Variants in LARS2 observed in about 807,000 individuals in gnomAD.
LARS2 encodes the protein leucine--tRNA ligase, mitochondrial.
LARS2 carries 81 observed loss-of-function variants against 116.6 expected under a neutral mutation model. That is an observed-to-expected ratio of 0.69 (90% CI 0.58 to 0.84). LARS2 has a LOEUF of 0.84. LARS2 is among the 40% of genes least tolerant of loss of function. The pLI, the probability that LARS2 is intolerant of heterozygous loss-of-function variation, is 0.00. For missense variants in LARS2, 968 were observed against 1,114.5 expected (o/e 0.87, Z 1.87); for synonymous variants, 396 against 407.2 (o/e 0.97, Z 0.33).
At chr3:45,460,745 T>C (rs1300451780) in intron 8 of LARS2, among the ~76,000 whole-genome samples, 2 of 152,136 alleles carry the variant, frequency 1.3e-5, no homozygotes. Context: ...GGCTGTGCAG[T>C]ACTGGAAAAC....
At chr3:45,453,771 G>A (rs1474365193) in intron 7 of LARS2, among the ~76,000 whole-genome samples, 1 of 151,852 alleles carries the variant, frequency 6.6e-6, no homozygotes, top group Non-Finnish European at 1.5e-5. Flanking sequence ...AATAGACCTT[G>A]AAAAAAATCA....
intron 6 of LARS2, among the ~76,000 whole-genome samples, chr3:45,438,385 C>A (rs1458224621): frequency 6.6e-6 from 1 of 152,082 alleles, no homozygotes; most frequent in Non-Finnish European, 1.5e-5. Context: ...TTTGCTTCTG[C>A]CACCCAGGAG....
At position 45,503,301 on chromosome 3, in the gene LARS2, C is replaced by CA. The variant is rs554188964; in HGVS notation, c.1760+2724dup. Among the ~76,000 whole-genome samples the CA allele has an allele frequency of 2.6e-4, 40 of 152,148 alleles. 1 individual carries two copies. The South Asian group carries it at 5.6e-3, about 21-fold the overall frequency. On this transcript the variant is annotated intron_variant, in intron 15 of 21. Coordinates refer to ENST00000645846, the MANE Select transcript of LARS2 (RefSeq NM_015340.4). ...TATACATCACCATGGTCAAGATAGG[C>CA]AAGTTTCCTTGTTTGTCTCTTCTAA...
intron 6 of LARS2, among the ~76,000 whole-genome samples, chr3:45,429,876 A>G (rs1372038525): frequency 6.8e-6 from 1 of 146,884 alleles, no homozygotes; most frequent in Non-Finnish European, 1.5e-5. Flanking sequence ...TGATTTTTGT[A>G]TTTTTTTTGG....
At chr3:45,410,910 G>C (rs1388113652) in intron 4 of LARS2, among the ~76,000 whole-genome samples, 1 of 152,206 alleles carries the variant, frequency 6.6e-6, no homozygotes, top group Non-Finnish European at 1.5e-5. Context: ...CCTAGAAGGG[G>C]AAGATGCTGT....
chr3:45,530,260 C>T (rs1315703765), intron 20 of LARS2, among the ~76,000 whole-genome samples: 1 of 152,150 alleles, frequency 6.6e-6, no homozygotes, highest in Non-Finnish European at 1.5e-5. Context: ...CTGTGGCTCA[C>T]GCCTGTAATC....
intron 15 of LARS2, among the ~76,000 whole-genome samples, chr3:45,511,308 C>T (rs1663740300): frequency 6.6e-6 from 1 of 152,158 alleles, no homozygotes; most frequent in South Asian, 2.1e-4. Flanking sequence ...GGGAAAGCCT[C>T]CCATGTGGAC....
At chr3:45,399,549 C>T (rs574302361) in intron 3 of LARS2, among the ~76,000 whole-genome samples, 5 of 151,934 alleles carry the variant, frequency 3.3e-5, no homozygotes, top group South Asian at 2.1e-4. Context: ...ATCTTGCTTT[C>T]GCTTTCTTCT....
In LARS2 at chr3:45,517,991, T is replaced by C. The variant is rs761350063; in HGVS notation, c.2133T>C (p.Ser711=). The C allele has an allele frequency of 6.2e-7, 1 of 1,613,720 alleles. No homozygotes were observed. The highest frequency in any genetic ancestry group is 1.1e-5 in the South Asian group (1 of 91,070). ...TTGAGGCCAGGGCTTCTGGGAAGTCTCCCCAGCCTCAGCTGCTGAGTAACA... is the reference window on the plus strand; with the variant it reads ...TTGAGGCCAGGGCTTCTGGGAAGTCCCCCCAGCCTCAGCTGCTGAGTAACA... ...RFIEARASGK[S]PQPQLLSNKE... The change falls in exon 18 of 22, where the codon TCT becomes TCC. Residue 711 remains serine (S), a synonymous_variant. Coordinates refer to ENST00000645846, the MANE Select transcript of LARS2 (RefSeq NM_015340.4).
chr3:45,524,584 T>C (rs947376807), intron 20 of LARS2, among the ~76,000 whole-genome samples: 6 of 152,122 alleles, frequency 3.9e-5, no homozygotes, highest in East Asian at 1.9e-4. Context: ...CTCCACATCA[T>C]TGGGACTGTT....
intron 4 of LARS2, among the ~76,000 whole-genome samples, chr3:45,415,042 G>A (rs1343343623): frequency 1.3e-5 from 2 of 152,194 alleles, no homozygotes; most frequent in Non-Finnish European, 2.9e-5. Flanking sequence ...CATTTTTCCT[G>A]CTCATGGCAT....
rs1029236000 is a variant in LARS2 at position 45,548,143 on chromosome 3, C to T, written c.*613C>T. ...ATCAAAAGGCAGGCAGTGCTGGTTC[C>T]TCTGCCTGTGTCCCCACCACTCCCC... is the stretch of plus-strand genomic sequence containing the variant. On this transcript the variant is annotated 3_prime_UTR_variant, in exon 22 of 22. Coordinates refer to ENST00000645846, the MANE Select transcript of LARS2 (RefSeq NM_015340.4). The T allele has an allele frequency of 2.6e-5, 4 of 152,286 alleles. No homozygotes were observed. Among genetic ancestry groups the T allele is most frequent in the African/African-American group, 9.7e-5 (4 of 41,442 alleles). 9.4% of individuals were successfully genotyped at this position (152,286 alleles called of 1,614,324 possible). A position where few individuals can be genotyped will look rare whatever the true frequency, so the allele number is the denominator to read the frequency against.
chr3:45,442,701 A>G lies in LARS2; in HGVS notation c.517-4190A>G, dbSNP rs536062431. On this transcript the variant is annotated intron_variant, in intron 6 of 21. Coordinates refer to ENST00000645846, the MANE Select transcript of LARS2 (RefSeq NM_015340.4). ...ATGCAGCATTCCTGTGTGCGCTGCA[A>G]GTCATGCTTAACAGAGATAGGGCTA... Among the ~76,000 whole-genome samples the G allele has an allele frequency of 3.9e-5, 6 of 152,274 alleles. No individual in the cohort carries two copies. The South Asian group carries it at 1.0e-3, about 26-fold the overall frequency.
intron 17 of LARS2, 83 bp downstream of exon 17, chr3:45,516,359 G>T: frequency 4.5e-6 from 6 of 1,334,362 alleles, no homozygotes; most frequent in Non-Finnish European, 6.3e-6. Flanking sequence ...AAATGTCTTT[G>T]CTGAAGACAG....
chr3:45,517,853 A>T, intron 17 of LARS2, 50 bp from the exon 18 acceptor site: 1 of 1,458,284 alleles, frequency 6.9e-7, no homozygotes, highest in Non-Finnish European at 9.4e-7. Flanking sequence ...CAAGTCAATC[A>T]CCCTTATGTT....
At chr3:45,521,024 GC>G (rs1559496134) in intron 19 of LARS2, among the ~76,000 whole-genome samples, 1 of 152,152 alleles carries the variant, frequency 6.6e-6, no homozygotes, top group Non-Finnish European at 1.5e-5. Context: ...AAATAATTAG[GC>G]CAGGCATGGT....
At chr3:45,510,925 A>G (rs182961793) in intron 15 of LARS2, among the ~76,000 whole-genome samples, 16 of 152,382 alleles carry the variant, frequency 1.0e-4, no homozygotes, top group African/African-American at 3.8e-4. Context: ...AGTGCCAGGC[A>G]CATAGCAAGC....
intron 7 of LARS2, among the ~76,000 whole-genome samples, chr3:45,448,465 C>G (rs934543611): frequency 6.6e-6 from 1 of 151,966 alleles, no homozygotes; most frequent in Non-Finnish European, 1.5e-5. Flanking sequence ...TCGGGGAGAC[C>G]CTAACCCAGT....
chr3:45,432,254 C>A (rs141244873), intron 6 of LARS2, among the ~76,000 whole-genome samples: 19 of 152,124 alleles, frequency 1.2e-4, no homozygotes, highest in African/African-American at 4.6e-4. Context: ...AACAACCAGA[C>A]AGAAAATAAG....
Sources: gnomAD v4.1 joint callset for allele counts (sites outside exome capture counted in the v4.1 genomes callset) on GRCh38, gnomAD v4.1.1 for gene constraint, MANE v1.5 for transcripts, NCBI Gene and HGNC (gene_info 2026-07-23, HGNC 2026-07-21) for gene names.